Variants in SAMSN1 observed in about 807,000 individuals in gnomAD.
SAMSN1 encodes the protein SAM domain-containing protein SAMSN-1.
Under a neutral mutation model 42.0 loss-of-function variants are expected in SAMSN1, and 31 were observed. The ratio of observed to expected loss-of-function variants is 0.74; its 90% confidence interval spans 0.55 to 1.00. SAMSN1 has a LOEUF of 1.00. Among genes scored for constraint, SAMSN1 ranks in the 50% least tolerant of loss-of-function variants. The pLI, the probability that SAMSN1 is intolerant of heterozygous loss-of-function variation, is 0.00. For synonymous variants in SAMSN1, 178 were observed against 151.9 expected, an observed-to-expected ratio of 1.17 and a Z score of -1.26; for missense variants, 464 against 439.4, an observed-to-expected ratio of 1.06 and a Z score of -0.50.
At chr21:14,622,526 T>C (rs1243698663) in intron 2 of SAMSN1, among the ~76,000 whole-genome samples, 2 of 152,152 alleles carry the variant, frequency 1.3e-5, no homozygotes, top group African/African-American at 2.4e-5. Context: ...ATATCAGTGA[T>C]TGAAGATCAA....
chr21:14,629,308 C>T (rs1983262224), intron 2 of SAMSN1, among the ~76,000 whole-genome samples: 1 of 152,278 alleles, frequency 6.6e-6, no homozygotes, highest in South Asian at 2.1e-4. Context: ...CCATCATCAT[C>T]ATCAAAGAAT....
chr21:14,599,802 A>G (rs1296125764), intron 6 of SAMSN1, among the ~76,000 whole-genome samples: 1 of 152,140 alleles, frequency 6.6e-6, no homozygotes. Context: ...AGCCATCATA[A>G]TTGTGACCCA....
At chr21:14,522,696 C>T (rs1978572960) in intron 1 of SAMSN1, among the ~76,000 whole-genome samples, 1 of 152,152 alleles carries the variant, frequency 6.6e-6, no homozygotes, top group Non-Finnish European at 1.5e-5. Context: ...TAAATAAAGA[C>T]CCAAACACTT....
intron 7 of SAMSN1, among the ~76,000 whole-genome samples, chr21:14,590,933 A>G (rs571317789): frequency 7.2e-5 from 11 of 152,316 alleles, no homozygotes; most frequent in African/African-American, 2.4e-4. Flanking sequence ...TAATAAAACC[A>G]ATGGGATTAT....
intron 2 of SAMSN1, among the ~76,000 whole-genome samples, chr21:14,640,490 G>A (rs898087086): frequency 3.3e-5 from 5 of 152,012 alleles, no homozygotes; most frequent in South Asian, 2.1e-4. Context: ...TTCTGGTACT[G>A]TTAAGTCTGG....
intron 5 of SAMSN1, among the ~76,000 whole-genome samples, chr21:14,507,372 A>G (rs1340747704): frequency 6.6e-6 from 1 of 152,228 alleles, no homozygotes; most frequent in Non-Finnish European, 1.5e-5. Context: ...ACGTACACAA[A>G]TCAGTAGCTC....
intron 2 of SAMSN1, among the ~76,000 whole-genome samples, chr21:14,579,545 C>T (rs906096543): frequency 2.0e-5 from 3 of 151,922 alleles, no homozygotes; most frequent in African/African-American, 7.3e-5. Context: ...GAAACAAAGT[C>T]CATTGGTTTC....
chr21:14,491,774 A>C (rs1255454019), intron 7 of SAMSN1, among the ~76,000 whole-genome samples: 1 of 152,138 alleles, frequency 6.6e-6, no homozygotes, highest in East Asian at 1.9e-4. Context: ...GTCCTATGTC[A>C]ATTTAATTTT....
At chr21:14,649,697 G>C (rs973256595) in intron 1 of SAMSN1, among the ~76,000 whole-genome samples, 1 of 151,766 alleles carries the variant, frequency 6.6e-6, no homozygotes, top group Non-Finnish European at 1.5e-5. Flanking sequence ...TTGAACCCAG[G>C]AGGCGGACAT....
chr21:14,508,849 G>T (rs1392132360), intron 5 of SAMSN1, among the ~76,000 whole-genome samples: 1 of 152,174 alleles, frequency 6.6e-6, no homozygotes, highest in Non-Finnish European at 1.5e-5. Flanking sequence ...TGTGGTATAG[G>T]CTGGGCGTGG....
intron 2 of SAMSN1, among the ~76,000 whole-genome samples, chr21:14,518,301 T>C (rs1271519313): frequency 3.3e-5 from 5 of 152,258 alleles, no homozygotes; most frequent in South Asian, 4.1e-4. Flanking sequence ...CATTTGATTA[T>C]TGTCTGCGTC....
intron 7 of SAMSN1, among the ~76,000 whole-genome samples, chr21:14,592,919 T>C (rs976252054): frequency 1.3e-5 from 2 of 152,168 alleles, no homozygotes; most frequent in African/African-American, 4.8e-5. Flanking sequence ...TGAGGTTCAT[T>C]TGTTTGTTTC....
intron 1 of SAMSN1, among the ~76,000 whole-genome samples, chr21:14,647,636 T>C (rs901290634): frequency 2.9e-5 from 4 of 137,520 alleles, no homozygotes; most frequent in African/African-American, 1.0e-4. Context: ...TGTTCTTCCA[T>C]TTGTTTGTGT....
intron 2 of SAMSN1, among the ~76,000 whole-genome samples, chr21:14,617,981 G>T (rs970699041): frequency 6.6e-6 from 1 of 152,214 alleles, no homozygotes; most frequent in African/African-American, 2.4e-5. Flanking sequence ...GCTGATTGTG[G>T]TGAAAGGAAC....
chr21:14,640,815 T>C (rs1216313724), intron 2 of SAMSN1, among the ~76,000 whole-genome samples: 3 of 151,120 alleles, frequency 2.0e-5, no homozygotes, highest in African/African-American at 7.3e-5. Flanking sequence ...TATGCCTGTA[T>C]ACATACATAC....
chr21:14,642,124 G>C (rs911393646), intron 2 of SAMSN1, among the ~76,000 whole-genome samples: 1 of 152,192 alleles, frequency 6.6e-6, no homozygotes, highest in Admixed American at 6.5e-5. Context: ...GGCTGAGGAG[G>C]ACGAGGAATA....
intron 5 of SAMSN1, among the ~76,000 whole-genome samples, chr21:14,605,986 C>T (rs917948094): frequency 9.2e-5 from 14 of 151,894 alleles, no homozygotes; most frequent in South Asian, 2.1e-4. Flanking sequence ...GGACTACAGG[C>T]GCCCGCCACC....
intron 1 of SAMSN1, among the ~76,000 whole-genome samples, chr21:14,528,958 A>G (rs1319908289): frequency 6.6e-6 from 1 of 152,128 alleles, no homozygotes; most frequent in Non-Finnish European, 1.5e-5. Flanking sequence ...TCTCCAATTC[A>G]CAGATGATGA....
intron 1 of SAMSN1, among the ~76,000 whole-genome samples, chr21:14,545,841 T>C (rs1446246528): frequency 2.6e-5 from 4 of 152,204 alleles, no homozygotes. Flanking sequence ...ATTCATTCAG[T>C]AGACTGTTCA....
Sources: gnomAD v4.1 joint callset for allele counts (sites outside exome capture counted in the v4.1 genomes callset) on GRCh38, gnomAD v4.1.1 for gene constraint, MANE v1.5 for transcripts, NCBI Gene and HGNC (gene_info 2026-07-23, HGNC 2026-07-21) for gene names.